Variants in ASS1 observed in about 807,000 individuals in gnomAD.
ASS1 encodes the protein argininosuccinate synthase 1, also known as argininosuccinate synthase.
Under a neutral mutation model 60.5 loss-of-function variants are expected in ASS1, and 58 were observed. That is an observed-to-expected ratio of 0.96 (90% CI 0.78 to 1.19). The LOEUF is 1.19. ASS1 is among the 50% of genes most tolerant of loss of function. ASS1 has a pLI of 0.00. For synonymous variants in ASS1, 200 were observed against 206.9 expected (o/e 0.97, Z 0.29); for missense variants, 454 against 547.3 (o/e 0.83, Z 1.70).
chr9:130,466,039 G>A (rs533181803), intron 5 of ASS1, among the ~76,000 whole-genome samples: 1 of 152,358 alleles, frequency 6.6e-6, no homozygotes, highest in East Asian at 1.9e-4. Flanking sequence ...TGAGGAGGTG[G>A]CGGGCCCCTT....
At chr9:130,446,611 C>T (rs1187827981) in intron 1 of ASS1, among the ~76,000 whole-genome samples, 1 of 152,226 alleles carries the variant, frequency 6.6e-6, no homozygotes, top group Non-Finnish European at 1.5e-5. Flanking sequence ...CCACTCTCAG[C>T]ACAGTCTCCA....
At chr9:130,450,483 G>A in intron 1 of ASS1, 2 of 352,844 alleles carry the variant, frequency 5.7e-6, no homozygotes, top group Non-Finnish European at 7.9e-6. Flanking sequence ...AGGGGCAGGG[G>A]GTTGAATGCC....
At position 130,488,738 on chromosome 9, in the gene ASS1, A is replaced by T. The variant is rs1331755772; in HGVS notation, c.839-595A>T. Among the ~76,000 whole-genome samples, 1 of 152,144 alleles carries T rather than the reference A, an allele frequency of 6.6e-6. No individual in the cohort carries two copies. Among genetic ancestry groups the T allele is most frequent in the African/African-American group, 2.4e-5 (1 of 41,436 alleles). On this transcript the variant is annotated intron_variant, in intron 11 of 14. Coordinates refer to ENST00000352480, the MANE Select transcript of ASS1 (RefSeq NM_054012.4). The surrounding 1 kb of genome is among the most constrained non-coding windows in gnomAD (Gnocchi z 5.2). ...ACTCGGGGGCCTACATTCAGTTCCC[A>T]GCTCCACCTAGAGCAAGTCCCTTCT...
intron 1 of ASS1, among the ~76,000 whole-genome samples, chr9:130,448,830 C>T (rs1757379996): frequency 6.6e-6 from 1 of 152,202 alleles, no homozygotes. Flanking sequence ...GTCCAAAGTG[C>T]TGGGATTACA....
chr9:130,471,509 C>T lies in ASS1; in HGVS notation c.591C>T (p.Asn197=), dbSNP rs1355715277. 1 of 1,614,070 alleles carries T rather than the reference C, an allele frequency of 6.2e-7. No individual in the cohort carries two copies. The highest frequency in any genetic ancestry group is 2.2e-5 in the East Asian group (1 of 44,884). ...GCTACGAGGCTGGAATCCTGGAGAA[C>T]CCCAAGGTAATCCCCCAAACCCCAT... is the stretch of plus-strand genomic sequence containing the variant. ...HISYEAGILE[N]PKNQAPPGLY... Residue 197 remains asparagine, a synonymous_variant, in exon 8 of 15, where the codon AAC becomes AAT. Transcript: ENST00000352480.
intron 3 of ASS1, 88 bp from the exon 4 acceptor site, chr9:130,458,313 T>C (rs1845495145): frequency 1.7e-5 from 26 of 1,508,694 alleles, no homozygotes; most frequent in Non-Finnish European, 2.4e-5. Context: ...CCCGTATAGG[T>C]CTCAGCTAGC....
At chr9:130,445,222 GCGGGGGCGCGAGTCCC>G (rs72401707) in intron 1 of ASS1, 846,647 of 978,936 alleles carry the variant, frequency 0.86, 367,070 homozygotes, top group East Asian at 0.92. Context: ...GGGGGACGCG[GCGGGGGCGCGAGTCCC>G]CGGGGGCGCG....
intron 1 of ASS1, among the ~76,000 whole-genome samples, chr9:130,448,908 C>G (rs1171797811): frequency 1.3e-5 from 2 of 152,198 alleles, no homozygotes; most frequent in African/African-American, 4.8e-5. Context: ...CACCCCAGCC[C>G]TCTTTTTGCG....
At chr9:130,446,508 TG>T (rs1845200051) in intron 1 of ASS1, among the ~76,000 whole-genome samples, 1 of 151,916 alleles carries the variant, frequency 6.6e-6, no homozygotes, top group Non-Finnish European at 1.5e-5. Context: ...TTCTGCTCTG[TG>T]GGGGTGGATC....
At chr9:130,461,810 C>G (rs1845602309) in intron 4 of ASS1, among the ~76,000 whole-genome samples, 1 of 152,166 alleles carries the variant, frequency 6.6e-6, no homozygotes, top group Non-Finnish European at 1.5e-5. Flanking sequence ...CACCACCATC[C>G]CATGAGTATC....
intron 11 of ASS1, among the ~76,000 whole-genome samples, chr9:130,487,757 C>CTT (rs34850609): frequency 1.1e-4 from 16 of 148,258 alleles, no homozygotes; most frequent in Middle Eastern, 3.4e-3. Context: ...GATTTCCTTC[C>CTT]TTTTTTTTTT....
rs1457050733 is a variant in ASS1 at position 130,454,100 on chromosome 9, G to A, written c.106-205G>A. Among the ~76,000 whole-genome samples the A allele has an allele frequency of 6.6e-5, 10 of 152,308 alleles. No individual in the cohort carries two copies. The East Asian group carries it at 1.7e-3, about 26-fold the overall frequency. ...CATGGAAGCCACCAGCCATCACCACGCTACAATCCAGCTCCCAATCTCACC... is the reference window on the plus strand; with the variant it reads ...CATGGAAGCCACCAGCCATCACCACACTACAATCCAGCTCCCAATCTCACC... On this transcript the variant is annotated intron_variant, in intron 2 of 14. Transcript: ENST00000352480.
At position 130,494,731 on chromosome 9, in the gene ASS1, G is replaced by A. The variant is rs528809923; in HGVS notation, c.971-136G>A. The A allele has an allele frequency of 1.9e-4, 217 of 1,150,968 alleles. No individual in the cohort carries two copies. Among genetic ancestry groups the A allele is most frequent in the Non-Finnish European group, 2.7e-4 (210 of 784,498 alleles). 71.3% of individuals were successfully genotyped at this position (1,150,968 alleles called of 1,614,324 possible). A position where few individuals can be genotyped will look rare whatever the true frequency, so the allele number is the denominator to read the frequency against. On this transcript the variant is annotated intron_variant, in intron 12 of 14. Coordinates refer to ENST00000352480, the MANE Select transcript of ASS1 (RefSeq NM_054012.4). This position sits in a 1 kb window ranked among gnomAD's most constrained non-coding sequence, Gnocchi z 4.3. Reference sequence around the variant, plus strand: ...ACTCAGCCACTGGCAAGCGCACATTGTGCCAGTCTCGCGGGAGGCAGTCAT... The same window carrying A: ...ACTCAGCCACTGGCAAGCGCACATTATGCCAGTCTCGCGGGAGGCAGTCAT...
Position 130,476,791 on chromosome 9 carries a change from G to A in ASS1, c.598-80G>A. 7.6e-7 allele frequency: 1 copy of A among 1,319,986 alleles called. No homozygotes were observed. The highest frequency in any genetic ancestry group is 1.1e-6 in the Non-Finnish European group (1 of 913,794). 81.8% of individuals were successfully genotyped at this position (1,319,986 alleles called of 1,614,324 possible). A position where few individuals can be genotyped will look rare whatever the true frequency, so the allele number is the denominator to read the frequency against. ...GGGGAAATGGACAGAGGAGAGGGGT[G>A]CAGATCCCCGCGGGAGGTGGGCTGT... On this transcript the variant is annotated intron_variant, in intron 8 of 14. Transcript: ENST00000352480. The surrounding 1 kb of genome is among the most constrained non-coding windows in gnomAD (Gnocchi z 4.9).
chr9:130,482,850 G>C (rs778295598), intron 11 of ASS1, among the ~76,000 whole-genome samples: 6 of 152,180 alleles, frequency 3.9e-5, no homozygotes, highest in Admixed American at 3.3e-4. Context: ...TGTGTGTGCT[G>C]TTGGAGGCTC....
chr9:130,468,924 C>A (rs1392972659), intron 6 of ASS1, among the ~76,000 whole-genome samples: 2 of 152,324 alleles, frequency 1.3e-5, no homozygotes, highest in East Asian at 3.9e-4. Flanking sequence ...GGAGGCACCT[C>A]GGGACCGAGA....
chr9:130,481,574 C>A (rs1327884664), intron 11 of ASS1, among the ~76,000 whole-genome samples: 9 of 152,206 alleles, frequency 5.9e-5, no homozygotes, highest in Admixed American at 5.9e-4. Context: ...AGGATGCCTG[C>A]TTCTGGTCTC....
chr9:130,492,810 C>T (rs1846480853), intron 12 of ASS1, among the ~76,000 whole-genome samples: 1 of 152,216 alleles, frequency 6.6e-6, no homozygotes, highest in African/African-American at 2.4e-5. Flanking sequence ...GCCCTAAGCC[C>T]CACCCACAGT....
At chr9:130,475,169 T>A (rs530131851) in intron 8 of ASS1, among the ~76,000 whole-genome samples, 2 of 152,258 alleles carry the variant, frequency 1.3e-5, no homozygotes, top group East Asian at 1.9e-4. Context: ...CACAGGCAAA[T>A]GACCACAGGT....
Sources: gnomAD v4.1 joint callset for allele counts (sites outside exome capture counted in the v4.1 genomes callset) on GRCh38, gnomAD v4.1.1 for gene constraint, Gnocchi (gnomAD v3.1) non-coding constraint, MANE v1.5 for transcripts, NCBI Gene and HGNC (gene_info 2026-07-23, HGNC 2026-07-21) for gene names.